Variants in VPS13B observed in about 807,000 individuals in gnomAD.
The protein encoded by VPS13B is intermembrane lipid transfer protein VPS13B.
VPS13B carries 285 observed loss-of-function variants against 426.4 expected under a neutral mutation model. The observed-to-expected ratio is 0.67, with a 90% CI of 0.61 to 0.74. VPS13B has a LOEUF of 0.74. Ranked by LOEUF, VPS13B falls within the 30% of genes least tolerant of loss-of-function variation. The pLI is 0.00. For missense variants in VPS13B, 4,537 were observed against 4,782.6 expected, an observed-to-expected ratio of 0.95 and a Z score of 1.51; for synonymous variants, 1,676 against 1,676.4, an observed-to-expected ratio of 1.00 and a Z score of 0.01.
At chr8:99,555,270 C>G (rs569835506) in intron 30 of VPS13B, among the ~76,000 whole-genome samples, 1 of 152,226 alleles carries the variant, frequency 6.6e-6, no homozygotes, top group South Asian at 2.1e-4. Flanking sequence ...TAACCAGCCT[C>G]TGGGAGTGCT....
intron 25 of VPS13B, among the ~76,000 whole-genome samples, chr8:99,485,835 T>G (rs1820271791): frequency 6.6e-6 from 1 of 152,138 alleles, no homozygotes; most frequent in African/African-American, 2.4e-5. Flanking sequence ...AAAAAAGTAT[T>G]TATATAGTCT....
chr8:99,233,960 A>T (rs1298365234), intron 17 of VPS13B: 3 of 790,854 alleles, frequency 3.8e-6, no homozygotes, highest in South Asian at 1.3e-5. Context: ...TTTTCTATGG[A>T]TGTCTACCCG....
At position 99,013,827 on chromosome 8, in the gene VPS13B, T is replaced by C; in HGVS notation, c.39T>C (p.Tyr13=). Reference sequence around the variant, plus strand: ...ATGTAACTCCAATTTTAATGAGCTATGTGAATCGCTACATCAAGAACTTAA... The same window carrying C: ...ATGTAACTCCAATTTTAATGAGCTACGTGAATCGCTACATCAAGAACTTAA... ...ESYVTPILMS[Y]VNRYIKNLKP... is the part of the protein sequence containing the mutation. Residue 13 remains tyrosine (Y), a synonymous_variant, in exon 2 of 62, where the codon TAT becomes TAC. Transcript: ENST00000357162. 1 of 1,614,202 alleles carries C rather than the reference T, an allele frequency of 6.2e-7. No homozygotes were observed. The highest frequency in any genetic ancestry group is 8.5e-7 in the Non-Finnish European group (1 of 1,180,044).
rs1588110271 is a variant in VPS13B, at chr8:99,170,213, G to T, written c.2333+50G>T. The T allele has an allele frequency of 1.9e-6, 3 of 1,598,316 alleles. No homozygotes were observed. The East Asian group carries it at 6.7e-5, about 36-fold the overall frequency. On this transcript the variant is annotated intron_variant, in intron 16 of 61. Transcript: ENST00000357162. ...ATTTATGTTAATTTCCATTTATTAGGAGGGAAAAAACCCCCAAATGTATCT... is the reference window on the plus strand; with the variant it reads ...ATTTATGTTAATTTCCATTTATTAGTAGGGAAAAAACCCCCAAATGTATCT...
intron 19 of VPS13B, among the ~76,000 whole-genome samples, chr8:99,345,175 T>C (rs1811471658): frequency 1.3e-5 from 2 of 152,212 alleles, no homozygotes; most frequent in Admixed American, 6.5e-5. Flanking sequence ...TGCAATACTA[T>C]AGTATGCTAG....
chr8:99,765,900 C>G (rs1811193075), intron 39 of VPS13B, among the ~76,000 whole-genome samples: 1 of 151,988 alleles, frequency 6.6e-6, no homozygotes, highest in African/African-American at 2.4e-5. Flanking sequence ...CATGTTTCTT[C>G]TCTTACACTT....
In VPS13B at chr8:99,828,392, CCGTTTTTTTTTTTTTTTTTTTTTT is replaced by C. The variant is rs1332561201; in HGVS notation, c.9331-3976_9331-3953del. Among the ~76,000 whole-genome samples the C allele has an allele frequency of 5.1e-3, 242 of 47,654 alleles. 13 individuals are homozygous for C. The highest frequency in any genetic ancestry group is 0.02 in the African/African-American group (222 of 11,028). 31.3% of individuals were successfully genotyped at this position (47,654 alleles called of 152,430 possible). A position where few individuals can be genotyped will look rare whatever the true frequency, so the allele number is the denominator to read the frequency against. On this transcript the variant is annotated intron_variant, in intron 51 of 61. Transcript: ENST00000357162. ...TTATCAGAGACTAGGATTACAACCA[CCGTTTTTTTTTTTTTTTTTTTTTT>C]TTTTTTTTTTTTTTTTTTGCTTTCC...
intron 19 of VPS13B, among the ~76,000 whole-genome samples, chr8:99,354,221 A>T (rs1304586204): frequency 7.7e-6 from 1 of 129,260 alleles, no homozygotes; most frequent in Non-Finnish European, 1.6e-5. Flanking sequence ...TACAACTTTT[A>T]GGGAAAATCG....
chr8:99,403,382 C>G (rs1815150905), intron 21 of VPS13B, among the ~76,000 whole-genome samples: 1 of 152,022 alleles, frequency 6.6e-6, no homozygotes, highest in Admixed American at 6.6e-5. Context: ...AACCCCGTCT[C>G]TACTAAAAAT....
At chr8:99,677,604 G>A (rs1245143228) in intron 35 of VPS13B, among the ~76,000 whole-genome samples, 2 of 152,148 alleles carry the variant, frequency 1.3e-5, no homozygotes, top group African/African-American at 4.8e-5. Context: ...GTGCCCTCAA[G>A]GGTTTACACC....
At chr8:99,116,527 A>G (rs1847661753) in intron 7 of VPS13B, among the ~76,000 whole-genome samples, 2 of 152,142 alleles carry the variant, frequency 1.3e-5, no homozygotes, top group South Asian at 4.1e-4. Context: ...GCGACCTCCC[A>G]GGCTCAGGTG....
rs565436567 is a variant in VPS13B, at chr8:99,307,181, T to C, written c.2824+31927T>C. On this transcript the variant is annotated intron_variant, in intron 19 of 61. Coordinates refer to ENST00000357162, the MANE Select transcript of VPS13B (RefSeq NM_152564.5). ...GAGAATGGTAATAATTAGGGTTCTA[T>C]ATATGTATTCTATATCTTTTAATAT... Among the ~76,000 whole-genome samples, 3 of 152,252 alleles carry C rather than the reference T, an allele frequency of 2.0e-5. No individual in the cohort carries two copies. The East Asian group carries it at 5.8e-4, about 29-fold the overall frequency.
At chr8:99,040,234 G>T (rs931273682) in intron 3 of VPS13B, among the ~76,000 whole-genome samples, 5 of 152,148 alleles carry the variant, frequency 3.3e-5, no homozygotes, top group Non-Finnish European at 7.4e-5. Context: ...TGTAACACAT[G>T]ACTTAGTGCA....
chr8:99,252,745 A>C (rs1277200351), intron 17 of VPS13B, among the ~76,000 whole-genome samples: 1 of 152,074 alleles, frequency 6.6e-6, no homozygotes, highest in Non-Finnish European at 1.5e-5. Context: ...GTCTTTTCAG[A>C]GGATTGGCTC....
intron 3 of VPS13B, among the ~76,000 whole-genome samples, chr8:99,096,059 A>G (rs1192073645): frequency 6.6e-6 from 1 of 152,132 alleles, no homozygotes; most frequent in Non-Finnish European, 1.5e-5. Context: ...GGAGATTGTC[A>G]AGTAGTTTGT....
intron 19 of VPS13B, among the ~76,000 whole-genome samples, chr8:99,325,802 T>A (rs1007797653): frequency 2.6e-5 from 4 of 152,216 alleles, no homozygotes; most frequent in South Asian, 2.1e-4. Context: ...TAAATGCCTA[T>A]CAACCCTTAT....
chr8:99,828,026 T>C (rs1814797309), intron 51 of VPS13B, among the ~76,000 whole-genome samples: 1 of 152,200 alleles, frequency 6.6e-6, no homozygotes. Context: ...AAGTGCTAGG[T>C]GGTTCTGAGA....
chr8:99,810,103 A>G (rs575252484), intron 44 of VPS13B, among the ~76,000 whole-genome samples: 2 of 152,350 alleles, frequency 1.3e-5, no homozygotes, highest in African/African-American at 2.4e-5. Flanking sequence ...CGTATTTTAT[A>G]AAACTTGCTT....
At chr8:99,169,170 A>G (rs1032043654) in intron 15 of VPS13B, among the ~76,000 whole-genome samples, 1 of 152,040 alleles carries the variant, frequency 6.6e-6, no homozygotes, top group African/African-American at 2.4e-5. Flanking sequence ...AAAAACAGTA[A>G]CTAAAGATAA....
Sources: allele counts gnomAD v4.1 joint callset (sites outside exome capture counted in the v4.1 genomes callset), GRCh38; gene constraint gnomAD v4.1.1; transcripts MANE v1.5; gene names NCBI Gene and HGNC (gene_info 2026-07-23, HGNC 2026-07-21).